Variants in HCN4 observed in about 807,000 individuals in gnomAD.
HCN4 encodes potassium/sodium hyperpolarization-activated cyclic nucleotide-gated channel 4.
A neutral mutation model predicts 76.9 loss-of-function variants in HCN4; 29 were observed. That is an observed-to-expected ratio of 0.38 (90% confidence interval 0.28 to 0.51). The LOEUF is 0.51. Among genes scored for constraint, HCN4 ranks in the 20% least tolerant of loss-of-function variants. The pLI, the probability that HCN4 is intolerant of heterozygous loss-of-function variation, is 0.90. For missense variants in HCN4, 1,416 were observed against 1,715.2 expected, an observed-to-expected ratio of 0.83 and a Z score of 3.08; for synonymous variants, 772 against 762.5, an observed-to-expected ratio of 1.01 and a Z score of -0.21.
At chr15:73,334,684 C>T (rs2042952254) in intron 2 of HCN4, among the ~76,000 whole-genome samples, 2 of 152,012 alleles carry the variant, frequency 1.3e-5, no homozygotes, top group South Asian at 4.2e-4. Context: ...CCCACCACCA[C>T]AACTCAGCCT....
At position 73,325,529 on chromosome 15, in the gene HCN4, C is replaced by T. The variant is rs539984316; in HGVS notation, c.1591-85G>A. The T allele has an allele frequency of 8.1e-5, 111 of 1,365,312 alleles. No homozygotes were observed. Among genetic ancestry groups the T allele is most frequent in the East Asian group, 5.3e-4 (23 of 43,632 alleles). 84.6% of individuals were successfully genotyped at this position (1,365,312 alleles called of 1,614,324 possible). Reference sequence around the variant, plus strand: ...CCACCACCTCGGCAGGCACCACATCCGGGCACCCACCCCGGGGGATTTCCT... The same window carrying T: ...CCACCACCTCGGCAGGCACCACATCTGGGCACCCACCCCGGGGGATTTCCT... On this transcript the variant is annotated intron_variant, in intron 4 of 7. Coordinates refer to ENST00000261917, the MANE Select transcript of HCN4 (RefSeq NM_005477.3). The surrounding 1 kb of genome is among the most constrained non-coding windows in gnomAD (Gnocchi z 7.4).
chr15:73,349,465 CAA>C (rs2043043550), intron 1 of HCN4, among the ~76,000 whole-genome samples: 1 of 152,084 alleles, frequency 6.6e-6, no homozygotes, highest in African/African-American at 2.4e-5. Flanking sequence ...TATTCAAACC[CAA>C]AGAGTCTGAC....
rs471192 is a variant in HCN4, at chr15:73,328,858, C to T, written c.1590+715G>A. Among the ~76,000 whole-genome samples, 126,338 of 152,084 alleles carry T rather than the reference C, an allele frequency of 0.83. 54,150 individuals carry two copies. Among genetic ancestry groups the T allele is most frequent in the Non-Finnish European group, 0.93 (63,485 of 67,992 alleles). On this transcript the variant is annotated intron_variant, in intron 4 of 7. Transcript: ENST00000261917. The surrounding 1 kb of genome is among the most constrained non-coding windows in gnomAD (Gnocchi z 4.0). ...GGTAGGCATTGATGACAGAGAGAGG[C>T]CAGGGATGGCTCCTAGTCTCTGGCC... is the stretch of plus-strand genomic sequence containing the variant.
chr15:73,343,942 G>A lies in HCN4; in HGVS notation c.786-134C>T, dbSNP rs912585826. The A allele has an allele frequency of 8.7e-5, 73 of 839,308 alleles. No homozygotes were observed. The African/African-American group carries it at 1.1e-3, about 13-fold the overall frequency. 52.0% of individuals were successfully genotyped at this position (839,308 alleles called of 1,614,324 possible). ...TTCTGAGACAGGAAGACAGGCACAT[G>A]GGTACCAGGGCAAGATGTGGAGATT... On this transcript the variant is annotated intron_variant, in intron 1 of 7. Transcript: ENST00000261917. This position sits in a 1 kb window ranked among gnomAD's most constrained non-coding sequence, Gnocchi z 5.7.
rs2042896762 is a variant in HCN4, at chr15:73,325,969, C to T, written c.1591-525G>A. On this transcript the variant is annotated intron_variant, in intron 4 of 7. Coordinates refer to ENST00000261917, the MANE Select transcript of HCN4 (RefSeq NM_005477.3). The surrounding 1 kb of genome is among the most constrained non-coding windows in gnomAD (Gnocchi z 7.4). ...CCAAACGTGGCCTCAGCTGAGACCC[C>T]GGGTCATTTCGTTGAGAGCAACTCC... Among the ~76,000 whole-genome samples, 2 of 152,090 alleles carry T rather than the reference C, an allele frequency of 1.3e-5. No homozygotes were observed. Among genetic ancestry groups the T allele is most frequent in the Admixed American group, 6.6e-5 (1 of 15,266 alleles).
rs2043071313 is a variant in HCN4 at position 73,354,962 on chromosome 15, G to A, written c.786-11154C>T. On this transcript the variant is annotated intron_variant, in intron 1 of 7. Transcript: ENST00000261917. Reference sequence around the variant, plus strand: ...CAGCTCCATGGGCAGATGGGGCCATGAGCCAAGGGAAGGGAGTAAGAGGGT... The same window carrying A: ...CAGCTCCATGGGCAGATGGGGCCATAAGCCAAGGGAAGGGAGTAAGAGGGT... Among the ~76,000 whole-genome samples, 3 of 152,220 alleles carry A rather than the reference G, an allele frequency of 2.0e-5. No individual in the cohort carries two copies. The South Asian group carries it at 6.2e-4, about 31-fold the overall frequency.
intron 1 of HCN4, among the ~76,000 whole-genome samples, chr15:73,355,759 G>A (rs996973023): frequency 2.7e-4 from 40 of 149,902 alleles, no homozygotes; most frequent in African/African-American, 7.1e-4. Context: ...ATGTACATGC[G>A]CACACACACA....
At chr15:73,366,214 T>C (rs1176337018) in intron 1 of HCN4, among the ~76,000 whole-genome samples, 1 of 152,116 alleles carries the variant, frequency 6.6e-6, no homozygotes, top group East Asian at 1.9e-4. Context: ...CACTACCTAT[T>C]TTAAGCCACC....
Position 73,322,775 on chromosome 15 carries a change from C to A in HCN4, c.3318G>T (p.Pro1106=). 2 of 1,555,378 alleles carry A rather than the reference C, an allele frequency of 1.3e-6. No individual in the cohort carries two copies. The highest frequency in any genetic ancestry group is 1.7e-6 in the Non-Finnish European group (2 of 1,149,128). Residue 1106 remains proline (P), a synonymous_variant, in exon 8 of 8, where the codon CCG becomes CCT. Transcript: ENST00000261917. The part of the protein sequence containing the change: ...DGAQTLRRAS[P]HSSGESMAAF... ...CAGCCATGGACTCCCCTGAGGAGTG[C>A]GGGGAGGCTCTGCGGAGAGTCTGCG...
At position 73,368,120 on chromosome 15, in the gene HCN4, G is replaced by A. The variant is rs1555479061; in HGVS notation, c.151C>T (p.Arg51Trp). 2.0e-6 allele frequency: 3 copies of A among 1,508,288 alleles called. No homozygotes were observed. The highest frequency in any genetic ancestry group is 1.4e-5 in the African/African-American group (1 of 69,222). 93.4% of individuals were successfully genotyped at this position (1,508,288 alleles called of 1,614,324 possible). Residue 51 changes from arginine (R) to tryptophan (W), a missense_variant, in exon 1 of 8, where the codon CGG becomes TGG. This residue lies in a region of HCN4 where 355 missense variants were observed against 347.8 expected (regional missense o/e 1.02). Coordinates refer to ENST00000261917, the MANE Select transcript of HCN4 (RefSeq NM_005477.3). The surrounding 1 kb of genome is among the most constrained non-coding windows in gnomAD (Gnocchi z 6.9). Reference protein sequence around the residue: ...QDPSRRSIRLRPLPSPSPSAA... With the variant: ...QDPSRRSIRLWPLPSPSPSAA... ...GAGGGGGAGGGCGAGGGCAGTGGCC[G>A]CAGCCGGATGCTCCTGCGGCTGGGG... is the stretch of plus-strand genomic sequence containing the variant.
chr15:73,338,552 C>G (rs567299714), intron 2 of HCN4, among the ~76,000 whole-genome samples: 1 of 152,204 alleles, frequency 6.6e-6, no homozygotes, highest in Non-Finnish European at 1.5e-5. Flanking sequence ...ACCACTAGCA[C>G]ATGGTAGGCA....
intron 2 of HCN4, among the ~76,000 whole-genome samples, chr15:73,342,685 G>A (rs2151220946): frequency 6.6e-6 from 1 of 152,282 alleles, no homozygotes. Context: ...AGATTTTCCT[G>A]GGAATGCATC....
At chr15:73,353,853 GAA>G (rs2151224171) in intron 1 of HCN4, among the ~76,000 whole-genome samples, 1 of 152,208 alleles carries the variant, frequency 6.6e-6, no homozygotes, top group East Asian at 1.9e-4. Flanking sequence ...TCTCTGGAGG[GAA>G]ATATAGCCCC....
intron 6 of HCN4, 106 bp from the exon 7 acceptor site, chr15:73,324,359 AG>A: frequency 8.0e-7 from 1 of 1,242,544 alleles, no homozygotes; most frequent in Non-Finnish European, 1.1e-6. Context: ...AAGCCTTGGC[AG>A]GCTCACAAGG....
chr15:73,324,388 G>C (rs779624537), intron 6 of HCN4, 135 bp from the exon 7 acceptor site: 3 of 919,758 alleles, frequency 3.3e-6, no homozygotes, highest in Non-Finnish European at 5.0e-6. Flanking sequence ...CCCAGACTGC[G>C]GCCACACTGG....
At position 73,322,914 on chromosome 15, in the gene HCN4, G is replaced by C. The variant is rs764262532; in HGVS notation, c.3179C>G (p.Pro1060Arg). 1 of 1,402,746 alleles carries C rather than the reference G, an allele frequency of 7.1e-7. No individual in the cohort carries two copies. The highest frequency in any genetic ancestry group is 9.4e-7 in the Non-Finnish European group (1 of 1,061,396). 86.9% of individuals were successfully genotyped at this position (1,402,746 alleles called of 1,614,324 possible). A position where few individuals can be genotyped will look rare whatever the true frequency, so the allele number is the denominator to read the frequency against. ...GSLLLPPASS[P>R]PPPQVPQRRG... ...GCGCTGGGGGACCTGGGGTGGTGGG[G>C]GGCTGGATGCAGGTGGCAGGAGCAA... Residue 1060 changes from proline (P) to arginine (R), a missense_variant, in exon 8 of 8, where the codon CCC (proline) becomes CGC (arginine). Pro to Arg is a moderately radical substitution (Grantham distance 103). This residue lies in a region of HCN4 where 633 missense variants were observed against 579.8 expected (regional missense o/e 1.09). Coordinates refer to ENST00000261917, the MANE Select transcript of HCN4 (RefSeq NM_005477.3).
intron 2 of HCN4, among the ~76,000 whole-genome samples, chr15:73,341,830 TCTC>T (rs1025184587): frequency 3.2e-4 from 49 of 152,270 alleles, no homozygotes; most frequent in African/African-American, 1.2e-3. Context: ...TGCACACACT[TCTC>T]CTATGGCACA....
In HCN4 at chr15:73,329,567, A is replaced by T. The variant is rs1040178011; in HGVS notation, c.1590+6T>A. 6.2e-7 allele frequency: 1 copy of T among 1,613,524 alleles called. No individual in the cohort carries two copies. Among genetic ancestry groups the T allele is most frequent in the African/African-American group, 1.3e-5 (1 of 74,896 alleles). Reference sequence around the variant, plus strand: ...CAATGTGCGGGTGCTCCCTGGGTAGACCTACCTTTTCCTGGTACTGGCGCC... The same window carrying T: ...CAATGTGCGGGTGCTCCCTGGGTAGTCCTACCTTTTCCTGGTACTGGCGCC... On this transcript the variant is annotated splice_donor_region_variant and intron_variant, in intron 4 of 7. Transcript: ENST00000261917.
intron 2 of HCN4, among the ~76,000 whole-genome samples, chr15:73,336,096 T>C (rs557417957): frequency 2.9e-4 from 44 of 152,048 alleles, no homozygotes; most frequent in African/African-American, 8.2e-4. Flanking sequence ...CAGGGCACAA[T>C]GGGGAGGTGA....
Sources: allele counts gnomAD v4.1 joint callset (sites outside exome capture counted in the v4.1 genomes callset), GRCh38; gene constraint gnomAD v4.1.1; regional missense constraint gnomAD v4.1.1; non-coding constraint Gnocchi (gnomAD v3.1); transcripts MANE v1.5; gene names NCBI Gene and HGNC (gene_info 2026-07-23, HGNC 2026-07-21).